COG5: variants seen among roughly 807,000 people sequenced by gnomAD.
COG5 encodes the protein component of oligomeric golgi complex 5.
COG5 carries 86 observed loss-of-function variants against 110.4 expected under a neutral mutation model. The observed-to-expected ratio is 0.78, with a 90% confidence interval of 0.65 to 0.93. The LOEUF (loss-of-function observed/expected upper bound fraction) is 0.93. Among genes scored for constraint, COG5 ranks in the 40% least tolerant of loss-of-function variants. COG5 has a pLI of 0.00. For missense variants in COG5, 1,077 were observed against 987.0 expected (o/e 1.09, Z -1.22); for synonymous variants, 360 against 334.6 (o/e 1.08, Z -0.83).
intron 6 of COG5, among the ~76,000 whole-genome samples, chr7:107,480,253 G>A (rs1190576440): frequency 6.6e-6 from 1 of 151,980 alleles, no homozygotes; most frequent in Non-Finnish European, 1.5e-5. Flanking sequence ...CAGAATGACG[G>A]CAAGAAGCAA....
intron 8 of COG5, among the ~76,000 whole-genome samples, chr7:107,370,580 G>A (rs1192387574): frequency 6.6e-6 from 1 of 151,926 alleles, no homozygotes; most frequent in Non-Finnish European, 1.5e-5. Flanking sequence ...GAGGTCAGGA[G>A]TTCGAGACCA....
intron 16 of COG5, among the ~76,000 whole-genome samples, chr7:107,249,058 A>G (rs1802278404): frequency 6.6e-6 from 1 of 152,076 alleles, no homozygotes; most frequent in African/African-American, 2.4e-5. Context: ...CTAGTACCCA[A>G]TAGTTATTTT....
At chr7:107,423,126 A>G (rs966309473) in intron 6 of COG5, among the ~76,000 whole-genome samples, 3 of 150,674 alleles carry the variant, frequency 2.0e-5, no homozygotes. Context: ...AAAGATACAA[A>G]GTTTGTTGAA....
chr7:107,467,178 T>A (rs1796343973), intron 6 of COG5, among the ~76,000 whole-genome samples: 1 of 152,178 alleles, frequency 6.6e-6, no homozygotes, highest in South Asian at 2.1e-4. Context: ...AAAAAGGATT[T>A]TAATTGAGCT....
chr7:107,563,787 G>T lies in COG5; in HGVS notation c.94+16C>A. 1.2e-6 allele frequency: 2 copies of T among 1,613,752 alleles called. No homozygotes were observed. Among genetic ancestry groups the T allele is most frequent in the South Asian group, 2.2e-5 (2 of 90,988 alleles). On this transcript the variant is annotated intron_variant, in intron 1 of 21. Coordinates refer to ENST00000297135, the MANE Select transcript of COG5 (RefSeq NM_006348.5). ...GACCCCCAACCCCACGACCTGGTCA[G>T]ACCCCGTCTCCTTACCGTCCTGCAG... is the stretch of plus-strand genomic sequence containing the variant.
chr7:107,447,281 A>G (rs1795062464), intron 6 of COG5, among the ~76,000 whole-genome samples: 1 of 152,042 alleles, frequency 6.6e-6, no homozygotes, highest in Non-Finnish European at 1.5e-5. Flanking sequence ...AAAGTTCTCC[A>G]CTTTTAAGGT....
intron 6 of COG5, among the ~76,000 whole-genome samples, chr7:107,467,366 T>A (rs530586349): frequency 2.4e-4 from 37 of 152,250 alleles, no homozygotes; most frequent in East Asian, 9.7e-4. Context: ...TATTATTATT[T>A]TTTTTTTGAG....
In COG5 at chr7:107,203,208, T is replaced by C. The variant is rs1798485673; in HGVS notation, c.*308A>G. Reference sequence around the variant, plus strand: ...ATCCCTTTAAAAGAAGTGGGGACTTTGGGTTTATGTACCCATAGGAGGACT... The same window carrying C: ...ATCCCTTTAAAAGAAGTGGGGACTTCGGGTTTATGTACCCATAGGAGGACT... On this transcript the variant is annotated 3_prime_UTR_variant, in exon 22 of 22. Coordinates refer to ENST00000297135, the MANE Select transcript of COG5 (RefSeq NM_006348.5). 2 of 392,128 alleles carry C rather than the reference T, an allele frequency of 5.1e-6. No homozygotes were observed. The highest frequency in any genetic ancestry group is 4.8e-6 in the Non-Finnish European group (1 of 208,814). 24.3% of individuals were successfully genotyped at this position (392,128 alleles called of 1,614,324 possible).
At chr7:107,483,378 T>C (rs780478845) in intron 6 of COG5, among the ~76,000 whole-genome samples, 2 of 152,126 alleles carry the variant, frequency 1.3e-5, no homozygotes, top group Non-Finnish European at 2.9e-5. Flanking sequence ...ATGAGCATTA[T>C]TGAAAATCAG....
chr7:107,455,120 T>C (rs1795580380), intron 6 of COG5, among the ~76,000 whole-genome samples: 1 of 152,164 alleles, frequency 6.6e-6, no homozygotes, highest in Admixed American at 6.5e-5. Flanking sequence ...TAAGCTGTCG[T>C]GGTGGATGGC....
chr7:107,314,859 T>C (rs965982181), intron 11 of COG5, among the ~76,000 whole-genome samples: 3 of 152,232 alleles, frequency 2.0e-5, no homozygotes, highest in African/African-American at 7.2e-5. Context: ...ACTTACTTGA[T>C]AGCTAGATTT....
chr7:107,213,563 C>T (rs932177975), intron 19 of COG5, among the ~76,000 whole-genome samples: 1 of 152,228 alleles, frequency 6.6e-6, no homozygotes, highest in African/African-American at 2.4e-5. Context: ...TAGAAGCAAT[C>T]ACAGTTCCCA....
At chr7:107,424,551 TC>T (rs1793516448) in intron 6 of COG5, among the ~76,000 whole-genome samples, 1 of 149,962 alleles carries the variant, frequency 6.7e-6, no homozygotes, top group South Asian at 2.1e-4. Context: ...AAGAAATATA[TC>T]AAACAGAGCT....
At position 107,415,859 on chromosome 7, in the gene COG5, T is replaced by C. The variant is rs1405783759; in HGVS notation, c.539-3227A>G. 2.9e-5 allele frequency among the ~76,000 whole-genome samples: 3 copies of C among 104,240 alleles called. 1 individual carries two copies. The highest frequency in any genetic ancestry group is 7.3e-5 in the African/African-American group (2 of 27,418). 68.4% of individuals were successfully genotyped at this position (104,240 alleles called of 152,430 possible). A position where few individuals can be genotyped will look rare whatever the true frequency, so the allele number is the denominator to read the frequency against. On this transcript the variant is annotated intron_variant, in intron 6 of 21. Coordinates refer to ENST00000297135, the MANE Select transcript of COG5 (RefSeq NM_006348.5). ...ATGTGTGTGTATATATACACACACATACACGTATGTATGTATGTGTGTGTA... is the reference window on the plus strand; with the variant it reads ...ATGTGTGTGTATATATACACACACACACACGTATGTATGTATGTGTGTGTA...
chr7:107,444,984 T>G (rs1271619180), intron 6 of COG5, among the ~76,000 whole-genome samples: 1 of 152,098 alleles, frequency 6.6e-6, no homozygotes, highest in African/African-American at 2.4e-5. Context: ...ACCCAGGAGT[T>G]TGAGACCACC....
intron 12 of COG5, among the ~76,000 whole-genome samples, chr7:107,285,177 G>C (rs1162775734): frequency 6.6e-6 from 1 of 152,176 alleles, no homozygotes; most frequent in Non-Finnish European, 1.5e-5. Context: ...GAAGAAATTG[G>C]CAGGTAAAAT....
chr7:107,412,762 CG>C (rs112563974), intron 6 of COG5, 130 bp from the exon 7 acceptor site: 4 of 616,100 alleles, frequency 6.5e-6, no homozygotes, highest in African/African-American at 3.8e-5. Context: ...ATTCAAAATC[CG>C]TATTTTAAAA....
chr7:107,496,126 T>C (rs1401386927), intron 6 of COG5, among the ~76,000 whole-genome samples: 4 of 151,784 alleles, frequency 2.6e-5, no homozygotes, highest in African/African-American at 9.7e-5. Flanking sequence ...CTACAACTCT[T>C]CCCAAAAATT....
intron 11 of COG5, among the ~76,000 whole-genome samples, chr7:107,310,405 T>G (rs1808119367): frequency 6.6e-6 from 1 of 152,172 alleles, no homozygotes; most frequent in South Asian, 2.1e-4. Flanking sequence ...TGGCTTGCAT[T>G]TTTTTTAAAA....
Sources: allele counts gnomAD v4.1 joint callset (sites outside exome capture counted in the v4.1 genomes callset), GRCh38; gene constraint gnomAD v4.1.1; transcripts MANE v1.5; gene names NCBI Gene and HGNC (gene_info 2026-07-23, HGNC 2026-07-21).